NCDN: variants seen among roughly 807,000 people sequenced by gnomAD.
NCDN encodes the protein neurochondrin.
In NCDN, 9 loss-of-function variants were observed where a neutral mutation model predicts 60.7. The observed-to-expected ratio is 0.15, with a 90% confidence interval of 0.09 to 0.26. NCDN has a LOEUF of 0.26. Ranked by LOEUF, NCDN falls within the 10% of genes least tolerant of loss-of-function variation. NCDN has a pLI of 1.00. For missense variants in NCDN, 578 were observed against 975.2 expected (o/e 0.59, Z 5.42); for synonymous variants, 409 against 442.5 (o/e 0.92, Z 0.95).
At position 35,558,018 on chromosome 1, in the gene NCDN, G is replaced by A; in HGVS notation, c.-173G>A. The A allele has an allele frequency of 1.0e-6, 1 of 977,874 alleles. No homozygotes were observed. Among genetic ancestry groups the A allele is most frequent in the East Asian group, 2.6e-5 (1 of 38,204 alleles). 60.6% of individuals were successfully genotyped at this position (977,874 alleles called of 1,614,324 possible). ...CCATATCGCGACACCATCGTGCCCT[G>A]TCGAGACTCCATTTTGTCACAGCCC... On this transcript the variant is annotated 5_prime_UTR_variant, in exon 1 of 7. Coordinates refer to ENST00000373243, the MANE Select transcript of NCDN (RefSeq NM_014284.3). The surrounding 1 kb of genome is among the most constrained non-coding windows in gnomAD (Gnocchi z 6.3).
In NCDN at chr1:35,559,119, A is replaced by G. The variant is rs749454935; in HGVS notation, c.46A>G (p.Ser16Gly). ...LAAAGQLGKA[S>G]IMASDCEPAL... ...CTTGTGTTCACAGTTGGGCAAGGCG[A>G]GCATCATGGCCTCGGATTGCGAGCC... The change falls in exon 2 of 7, where the codon AGC (serine) becomes GGC (glycine). Residue 16 changes from serine to glycine, a missense_variant. Ser to Gly is a moderately conservative substitution (Grantham distance 56). Transcript: ENST00000373243. The G allele has an allele frequency of 1.2e-6, 2 of 1,604,774 alleles. No individual in the cohort carries two copies. Among genetic ancestry groups the G allele is most frequent in the Non-Finnish European group, 1.7e-6 (2 of 1,176,076 alleles).
At position 35,558,213 on chromosome 1, in the gene NCDN, C is replaced by CGGCG; in HGVS notation, c.26_29dup (p.Gln11GlyfsTer36). ...TCAATGTCGTGTTGTGACCTGGCTG[C>CGGCG]GGCGGGACAGGTGGTGACCGCCAGG... is the stretch of plus-strand genomic sequence containing the variant. On this transcript the variant is annotated frameshift_variant, in exon 1 of 7. Transcript: ENST00000373243. LOFTEE classifies it high-confidence loss of function. This position sits in a 1 kb window ranked among gnomAD's most constrained non-coding sequence, Gnocchi z 6.3. The CGGCG allele has an allele frequency of 6.2e-7, 1 of 1,614,078 alleles. No homozygotes were observed.
rs1648743306 is a variant in NCDN at position 35,562,699 on chromosome 1, C to T, written c.1385+66C>T. 1 of 1,528,216 alleles carries T rather than the reference C, an allele frequency of 6.5e-7. No individual in the cohort carries two copies. Among genetic ancestry groups the T allele is most frequent in the Non-Finnish European group, 8.8e-7 (1 of 1,133,596 alleles). 94.7% of individuals were successfully genotyped at this position (1,528,216 alleles called of 1,614,324 possible). A position where few individuals can be genotyped will look rare whatever the true frequency, so the allele number is the denominator to read the frequency against. ...CCGAAAAGCGTTAACACAAGGACAC[C>T]CCTCCCCACAAACTGAGCTGTGCCA... On this transcript the variant is annotated intron_variant, in intron 4 of 6. Transcript: ENST00000373243. The surrounding 1 kb of genome is among the most constrained non-coding windows in gnomAD (Gnocchi z 6.8).
rs1648665648 is a variant in NCDN, at chr1:35,560,634, T to C, written c.483T>C (p.Ala161=). ...MIDDTYQCLT[A]VAGTPRGPRH... The stretch of plus-strand genomic sequence containing the variant: ...ATGACACCTACCAGTGCCTGACGGC[T>C]GTAGCAGGCACACCCAGAGGGCCTC... Residue 161 remains alanine, a synonymous_variant, in exon 3 of 7, where the codon GCT becomes GCC. Coordinates refer to ENST00000373243, the MANE Select transcript of NCDN (RefSeq NM_014284.3). This position sits in a 1 kb window ranked among gnomAD's most constrained non-coding sequence, Gnocchi z 7.6. 6.2e-7 allele frequency: 1 copy of C among 1,613,592 alleles called. No homozygotes were observed. The highest frequency in any genetic ancestry group is 8.5e-7 in the Non-Finnish European group (1 of 1,180,042).
Position 35,565,311 on chromosome 1 carries a change from C to G in NCDN, c.1838C>G (p.Pro613Arg). Residue 613 changes from proline to arginine, a missense_variant, in exon 7 of 7, where the codon CCG becomes CGG. Physicochemically the swap from Pro to Arg is moderately radical, Grantham distance 103. Around this residue, in one of 3 missense-constraint regions of NCDN, gnomAD observed 191 missense variants for 372.1 expected, o/e 0.51. Transcript: ENST00000373243. The surrounding 1 kb of genome is among the most constrained non-coding windows in gnomAD (Gnocchi z 8.9). The stretch of plus-strand genomic sequence containing the variant: ...CAGTCCCACGTGGCGCGGGCCACCC[C>G]GGGCTCAGACCAGGCAGTGCTAGCC... ...LSQSHVARATPGSDQAVLALS... is the reference protein window; with the variant it reads ...LSQSHVARATRGSDQAVLALS... The G allele has an allele frequency of 6.2e-7, 1 of 1,613,986 alleles. No individual in the cohort carries two copies. The highest frequency in any genetic ancestry group is 8.5e-7 in the Non-Finnish European group (1 of 1,179,918).
chr1:35,560,793 G>T lies in NCDN; in HGVS notation c.642G>T (p.Ala214=). The T allele has an allele frequency of 6.2e-7, 1 of 1,613,510 alleles. No homozygotes were observed. The highest frequency in any genetic ancestry group is 1.1e-5 in the South Asian group (1 of 91,084). ...AAAETQCWKE[A]EPDLLAVLRG... is the part of the protein sequence containing the mutation. ...CCGAGACACAGTGCTGGAAGGAGGC[G>T]GAGCCCGACCTGCTGGCCGTGTTGC... is the stretch of plus-strand genomic sequence containing the variant. Residue 214 remains alanine, a synonymous_variant, in exon 3 of 7, where the codon GCG becomes GCT. Coordinates refer to ENST00000373243, the MANE Select transcript of NCDN (RefSeq NM_014284.3). This position sits in a 1 kb window ranked among gnomAD's most constrained non-coding sequence, Gnocchi z 7.6.
At position 35,561,072 on chromosome 1, in the gene NCDN, G is replaced by C; in HGVS notation, c.921G>C (p.Leu307=). ...IPAGSSGSKF[L]ALLVNLACVE... ...CGGGCAGCTCCGGGAGCAAGTTCCT[G>C]GCCCTGCTGGTGAATCTGGCGTGCG... Residue 307 remains leucine, a synonymous_variant, in exon 3 of 7, where the codon CTG becomes CTC. Transcript: ENST00000373243. The surrounding 1 kb of genome is among the most constrained non-coding windows in gnomAD (Gnocchi z 4.9). 1.2e-6 allele frequency: 2 copies of C among 1,613,602 alleles called. No individual in the cohort carries two copies. The highest frequency in any genetic ancestry group is 1.7e-6 in the Non-Finnish European group (2 of 1,179,746).
Position 35,563,767 on chromosome 1 carries a change from G to C in NCDN, c.1611G>C (p.Lys537Asn), listed in dbSNP as rs1648781662. 2 of 1,612,936 alleles carry C rather than the reference G, an allele frequency of 1.2e-6. No individual in the cohort carries two copies. The highest frequency in any genetic ancestry group is 1.7e-6 in the Non-Finnish European group (2 of 1,179,688). The change falls in exon 6 of 7, where the codon AAG becomes AAC. Residue 537 changes from lysine to asparagine, a missense_variant and splice_region_variant. Transcript: ENST00000373243. This position sits in a 1 kb window ranked among gnomAD's most constrained non-coding sequence, Gnocchi z 6.6. ...NLVVTAPGLI[K>N]RDACFTSLMN... ...CATCCTTCCCCCCTTTCTTTTCCAG[G>C]CGTGACGCCTGCTTCACATCTCTAA...
chr1:35,560,391 C>T lies in NCDN; in HGVS notation c.240C>T (p.Val80=), dbSNP rs146042879. ...CTCGGCGGCGGATCTTCGATGCTGTCGGCTTCACCTTCCCCAATCGTCTCC... is the reference window on the plus strand; with the variant it reads ...CTCGGCGGCGGATCTTCGATGCTGTTGGCTTCACCTTCCCCAATCGTCTCC... The part of the protein sequence containing the change: ...AKTRRRIFDA[V]GFTFPNRLLT... The change falls in exon 3 of 7, where the codon GTC becomes GTT. Residue 80 remains valine, a synonymous_variant. Coordinates refer to ENST00000373243, the MANE Select transcript of NCDN (RefSeq NM_014284.3). The surrounding 1 kb of genome is among the most constrained non-coding windows in gnomAD (Gnocchi z 7.6). The T allele has an allele frequency of 7.9e-5, 128 of 1,614,002 alleles. No homozygotes were observed. The African/African-American group carries it at 1.4e-3, about 17-fold the overall frequency.
At position 35,560,588 on chromosome 1, in the gene NCDN, C is replaced by T; in HGVS notation, c.437C>T (p.Ala146Val). The T allele has an allele frequency of 1.2e-6, 2 of 1,613,268 alleles. No individual in the cohort carries two copies. Among genetic ancestry groups the T allele is most frequent in the Non-Finnish European group, 8.5e-7 (1 of 1,180,050 alleles). ...FLTARGDPDD[A>V]ARRSMIDDTY... ...ACAGCCCGGGGGGACCCGGACGATG[C>T]TGCCCGCCGCTCCATGATTGATGAC... The change falls in exon 3 of 7, where the codon GCT becomes GTT. Residue 146 changes from alanine to valine, a missense_variant. Around this residue, in one of 3 missense-constraint regions of NCDN, gnomAD observed 363 missense variants for 583.6 expected, o/e 0.62. Coordinates refer to ENST00000373243, the MANE Select transcript of NCDN (RefSeq NM_014284.3). This position sits in a 1 kb window ranked among gnomAD's most constrained non-coding sequence, Gnocchi z 7.6.
intron 1 of NCDN, 50 bp from the exon 2 acceptor site, chr1:35,559,056 AC>A: frequency 3.2e-6 from 1 of 315,360 alleles, no homozygotes; most frequent in Non-Finnish European, 5.5e-6. Context: ...CCCCCACCCC[AC>A]CCCCGTCCCT....
chr1:35,562,578 A>C lies in NCDN; in HGVS notation c.1330A>C (p.Asn444His). Residue 444 changes from asparagine (N) to histidine (H), a missense_variant, in exon 4 of 7, where the codon AAC becomes CAC. Asn to His is a moderately conservative substitution (Grantham distance 68). This residue lies in a region of NCDN where 24 missense variants were observed against 19.5 expected (regional missense o/e 1.23). Transcript: ENST00000373243. This position sits in a 1 kb window ranked among gnomAD's most constrained non-coding sequence, Gnocchi z 6.8. ...EANDLSQQVA[N>H]LAISPTTPGP... Reference sequence around the variant, plus strand: ...CAATGACCTTTCCCAGCAGGTGGCCAACCTGGCCATCTCCCCCACCACCCC... The same window carrying C: ...CAATGACCTTTCCCAGCAGGTGGCCCACCTGGCCATCTCCCCCACCACCCC... 1 of 1,614,000 alleles carries C rather than the reference A, an allele frequency of 6.2e-7. No individual in the cohort carries two copies. The highest frequency in any genetic ancestry group is 2.2e-5 in the East Asian group (1 of 44,860).
rs1253320811 is a variant in NCDN, at chr1:35,563,364, T to G, written c.1548T>G (p.Ile516Met). The change falls in exon 5 of 7, where the codon ATT becomes ATG. Residue 516 changes from isoleucine (I) to methionine (M), a missense_variant. By Grantham distance (10) the Ile-to-Met change is conservative. Around this residue, in one of 3 missense-constraint regions of NCDN, gnomAD observed 191 missense variants for 372.1 expected, o/e 0.51. Coordinates refer to ENST00000373243, the MANE Select transcript of NCDN (RefSeq NM_014284.3). The surrounding 1 kb of genome is among the most constrained non-coding windows in gnomAD (Gnocchi z 6.6). ...CGGTGCTGCCTGACAGCGTGGAGAT[T>G]GGCCTGCAGACCTGCTGCCACATCT... Reference protein sequence around the residue: ...DTSVLPDSVEIGLQTCCHIFL... With the variant: ...DTSVLPDSVEMGLQTCCHIFL... 1 of 1,614,110 alleles carries G rather than the reference T, an allele frequency of 6.2e-7. No homozygotes were observed. Among genetic ancestry groups the G allele is most frequent in the African/African-American group, 1.3e-5 (1 of 74,944 alleles).
Position 35,558,367 on chromosome 1 carries a change from A to C in NCDN, c.33+144A>C. 15 of 1,522,574 alleles carry C rather than the reference A, an allele frequency of 9.9e-6. No homozygotes were observed. The highest frequency in any genetic ancestry group is 1.3e-5 in the Non-Finnish European group (15 of 1,136,970). 94.3% of individuals were successfully genotyped at this position (1,522,574 alleles called of 1,614,324 possible). A position where few individuals can be genotyped will look rare whatever the true frequency, so the allele number is the denominator to read the frequency against. ...TTCTCCAGCCCCTGCCGGCATCCAC[A>C]GGCTGGTAGCGGGACGGGGAGGGCG... On this transcript the variant is annotated intron_variant, in intron 1 of 6. Transcript: ENST00000373243. This position sits in a 1 kb window ranked among gnomAD's most constrained non-coding sequence, Gnocchi z 6.3.
At position 35,558,344 on chromosome 1, in the gene NCDN, C is replaced by G; in HGVS notation, c.33+121C>G. On this transcript the variant is annotated intron_variant, in intron 1 of 6. Transcript: ENST00000373243. This position sits in a 1 kb window ranked among gnomAD's most constrained non-coding sequence, Gnocchi z 6.3. ...AACTATCCGGGACCCCCTCTTGCTT[C>G]TCCAGCCCCTGCCGGCATCCACAGG... is the stretch of plus-strand genomic sequence containing the variant. The G allele has an allele frequency of 2.6e-6, 4 of 1,545,418 alleles. No individual in the cohort carries two copies. The highest frequency in any genetic ancestry group is 3.5e-6 in the Non-Finnish European group (4 of 1,144,302).
In NCDN at chr1:35,566,627, GA is replaced by G; in HGVS notation, c.*965del. On this transcript the variant is annotated 3_prime_UTR_variant, in exon 7 of 7. Transcript: ENST00000373243. The surrounding 1 kb of genome is among the most constrained non-coding windows in gnomAD (Gnocchi z 5.3). ...ACTACCTTTCTTATAAACCCAGGGG[GA>G]CCACACACACACACACACACACACA... The G allele has an allele frequency of 3.1e-6, 1 of 325,022 alleles. No homozygotes were observed. Among genetic ancestry groups the G allele is most frequent in the African/African-American group, 2.7e-5 (1 of 36,824 alleles). The allele number at this position is 325,022 out of a possible 1,614,324, so 20.1% of individuals were successfully genotyped here.
In NCDN at chr1:35,560,700, G is replaced by A. The variant is rs1214488129; in HGVS notation, c.549G>A (p.Gln183=). The part of the protein sequence containing the change: ...IAGGTVSALC[Q]AYLGHGYGFD... ...GTGGCACCGTGTCTGCCCTATGCCA[G>A]GCATACCTGGGGCACGGCTATGGCT... The change falls in exon 3 of 7, where the codon CAG becomes CAA. Residue 183 remains glutamine, a synonymous_variant. Coordinates refer to ENST00000373243, the MANE Select transcript of NCDN (RefSeq NM_014284.3). This position sits in a 1 kb window ranked among gnomAD's most constrained non-coding sequence, Gnocchi z 7.6. 1 of 1,612,624 alleles carries A rather than the reference G, an allele frequency of 6.2e-7. No homozygotes were observed. The highest frequency in any genetic ancestry group is 2.2e-5 in the East Asian group (1 of 44,900).
rs915750403 is a variant in NCDN at position 35,565,905 on chromosome 1, G to A, written c.*242G>A. 1.9e-5 allele frequency: 10 copies of A among 520,328 alleles called. No homozygotes were observed. The highest frequency in any genetic ancestry group is 3.1e-5 in the Non-Finnish European group (9 of 292,616). 32.2% of individuals were successfully genotyped at this position (520,328 alleles called of 1,614,324 possible). On this transcript the variant is annotated 3_prime_UTR_variant, in exon 7 of 7. Transcript: ENST00000373243. The surrounding 1 kb of genome is among the most constrained non-coding windows in gnomAD (Gnocchi z 8.9). The stretch of plus-strand genomic sequence containing the variant: ...CTTGGAAATCAACGTGGTTGTCCCC[G>A]CCAGGCCGGGGAAGGTTGGAGCAGC...
chr1:35,558,676 C>A lies in NCDN; in HGVS notation c.34-431C>A. The A allele has an allele frequency of 6.2e-6, 7 of 1,133,776 alleles. No individual in the cohort carries two copies. The highest frequency in any genetic ancestry group is 7.6e-6 in the Non-Finnish European group (7 of 920,600). 70.2% of individuals were successfully genotyped at this position (1,133,776 alleles called of 1,614,324 possible). On this transcript the variant is annotated intron_variant, in intron 1 of 6. Coordinates refer to ENST00000373243, the MANE Select transcript of NCDN (RefSeq NM_014284.3). This position sits in a 1 kb window ranked among gnomAD's most constrained non-coding sequence, Gnocchi z 6.3. Reference sequence around the variant, plus strand: ...GTCAGCCTGAGTCCGGATAATCGAACTTCACCCATGTATGTCTCCATTTCT... The same window carrying A: ...GTCAGCCTGAGTCCGGATAATCGAAATTCACCCATGTATGTCTCCATTTCT...
Sources: gnomAD v4.1 joint callset for allele counts on GRCh38, gnomAD v4.1.1 for gene constraint, gnomAD v4.1.1 regional missense constraint, Gnocchi (gnomAD v3.1) non-coding constraint, MANE v1.5 for transcripts, NCBI Gene and HGNC (gene_info 2026-07-23, HGNC 2026-07-21) for gene names.